RSPO2: variants seen among roughly 807,000 people sequenced by gnomAD.
The protein encoded by RSPO2 is R-spondin 2.
A neutral mutation model predicts 30.9 loss-of-function variants in RSPO2; 14 were observed. The ratio of observed to expected loss-of-function variants is 0.45; its 90% CI spans 0.30 to 0.71. RSPO2 has a LOEUF of 0.71. Among genes scored for constraint, RSPO2 ranks in the 30% least tolerant of loss-of-function variants. The pLI is 0.08. For synonymous variants in RSPO2, 107 were observed against 96.4 expected (o/e 1.11, Z -0.64); for missense variants, 264 against 301.9 (o/e 0.87, Z 0.93).
chr8:107,983,764 T>G, intron 3 of RSPO2: 3 of 1,598,148 alleles, frequency 1.9e-6, no homozygotes, highest in Non-Finnish European at 2.6e-6. Context: ...GAGCTGGATG[T>G]AGATGCTGAT....
At chr8:107,952,169 G>A (rs1198772496) in intron 5 of RSPO2, among the ~76,000 whole-genome samples, 1 of 152,048 alleles carries the variant, frequency 6.6e-6, no homozygotes, top group African/African-American at 2.4e-5. Flanking sequence ...TTAAAGGAAT[G>A]TTTGGAGGCA....
chr8:108,062,315 G>A (rs2130706454), intron 2 of RSPO2, among the ~76,000 whole-genome samples: 1 of 151,842 alleles, frequency 6.6e-6, no homozygotes, highest in East Asian at 1.9e-4. Flanking sequence ...AGAAAAGAGA[G>A]AAGAATCAAA....
At chr8:108,004,892 C>A (rs1237328916) in intron 2 of RSPO2, among the ~76,000 whole-genome samples, 1 of 152,088 alleles carries the variant, frequency 6.6e-6, no homozygotes, top group Non-Finnish European at 1.5e-5. Context: ...ATTTTTTAAT[C>A]CTCACTCTAT....
At chr8:108,082,420 C>T in intron 2 of RSPO2, 125 bp downstream of exon 2, 2 of 686,742 alleles carry the variant, frequency 2.9e-6, no homozygotes, top group Non-Finnish European at 2.5e-6. Flanking sequence ...GGACTGGGGA[C>T]CCGCAAAAGC....
intron 2 of RSPO2, among the ~76,000 whole-genome samples, chr8:107,993,916 G>A (rs1287519608): frequency 6.6e-6 from 1 of 151,918 alleles, no homozygotes; most frequent in Non-Finnish European, 1.5e-5. Context: ...CACTCTAATT[G>A]GATTTAAGGC....
intron 2 of RSPO2, among the ~76,000 whole-genome samples, chr8:108,077,605 AC>A (rs928046766): frequency 1.4e-4 from 21 of 149,112 alleles, no homozygotes; most frequent in Admixed American, 1.1e-3. Context: ...CCATAATTAT[AC>A]TATACTCATC....
intron 5 of RSPO2, among the ~76,000 whole-genome samples, chr8:107,945,471 A>G (rs2130388816): frequency 6.6e-6 from 1 of 151,890 alleles, no homozygotes; most frequent in South Asian, 2.1e-4. Context: ...GATGGTCTAG[A>G]TCTCCTGACT....
At chr8:107,948,057 G>A (rs1813122332) in intron 5 of RSPO2, among the ~76,000 whole-genome samples, 1 of 152,190 alleles carries the variant, frequency 6.6e-6, no homozygotes, top group Non-Finnish European at 1.5e-5. Context: ...GGCAATGGCA[G>A]CTAAAAACAA....
chr8:107,905,190 G>A (rs1019765308), intron 5 of RSPO2, among the ~76,000 whole-genome samples: 3 of 152,042 alleles, frequency 2.0e-5, no homozygotes, highest in Admixed American at 1.3e-4. Flanking sequence ...CTGGGTATAG[G>A]TAAGAATCTT....
intron 5 of RSPO2, among the ~76,000 whole-genome samples, chr8:107,904,755 T>C (rs114610058): frequency 0.012 from 1,786 of 152,196 alleles, 31 homozygotes; most frequent in African/African-American, 0.04. Flanking sequence ...CATCATTCAC[T>C]AGAAAGTTAT....
At chr8:108,059,200 G>A (rs1812365740) in intron 2 of RSPO2, among the ~76,000 whole-genome samples, 1 of 151,552 alleles carries the variant, frequency 6.6e-6, no homozygotes, top group Non-Finnish European at 1.5e-5. Context: ...GACATGAACA[G>A]ACACTTCTCA....
chr8:107,917,874 T>G (rs983538547), intron 5 of RSPO2, among the ~76,000 whole-genome samples: 3 of 152,204 alleles, frequency 2.0e-5, no homozygotes, highest in Non-Finnish European at 4.4e-5. Context: ...GTGGCTTTAA[T>G]AATGGCTGTT....
chr8:107,930,219 T>C (rs1262517281), intron 5 of RSPO2, among the ~76,000 whole-genome samples: 1 of 152,188 alleles, frequency 6.6e-6, no homozygotes, highest in Non-Finnish European at 1.5e-5. Context: ...AAAGGATTGG[T>C]GAAGTCACTT....
At chr8:107,901,642 A>T (rs1266957888) in intron 5 of RSPO2, among the ~76,000 whole-genome samples, 1 of 152,240 alleles carries the variant, frequency 6.6e-6, no homozygotes, top group Non-Finnish European at 1.5e-5. Context: ...TGGGGGAAAA[A>T]GAGTCTTGCT....
intron 2 of RSPO2, among the ~76,000 whole-genome samples, chr8:108,000,003 A>G (rs1815179133): frequency 6.6e-6 from 1 of 152,150 alleles, no homozygotes. Flanking sequence ...AAGAAACAGG[A>G]ATGATCTATG....
chr8:108,003,247 ATG>A (rs1430898001), intron 2 of RSPO2, among the ~76,000 whole-genome samples: 2 of 61,236 alleles, frequency 3.3e-5, no homozygotes, highest in African/African-American at 1.8e-4. Context: ...ATATGTATGT[ATG>A]TATGTGTGTG....
intron 5 of RSPO2, among the ~76,000 whole-genome samples, chr8:107,912,304 G>A (rs771809023): frequency 2.6e-5 from 4 of 152,096 alleles, no homozygotes; most frequent in Non-Finnish European, 5.9e-5. Context: ...GACTTAGTGC[G>A]AAGTTAACTG....
chr8:108,073,937 A>G (rs1422412881), intron 2 of RSPO2, among the ~76,000 whole-genome samples: 2 of 152,244 alleles, frequency 1.3e-5, no homozygotes, highest in African/African-American at 4.8e-5. Context: ...CTAATTTGGA[A>G]GGTCCACCTC....
chr8:107,973,544 A>G (rs1223356736), intron 3 of RSPO2, among the ~76,000 whole-genome samples: 1 of 151,720 alleles, frequency 6.6e-6, no homozygotes, highest in Admixed American at 6.6e-5. Context: ...ACACACACAC[A>G]CACACACACA....
Sources: gnomAD v4.1 joint callset for allele counts (sites outside exome capture counted in the v4.1 genomes callset) on GRCh38, gnomAD v4.1.1 for gene constraint, MANE v1.5 for transcripts, NCBI Gene and HGNC (gene_info 2026-07-23, HGNC 2026-07-21) for gene names.